The following SLC14A2 variants were observed in gnomAD, a reference collection of about 807,000 sequenced individuals.
SLC14A2 encodes the protein urea transporter 2.
Under a neutral mutation model 104.6 loss-of-function variants are expected in SLC14A2, and 91 were observed. That is an observed-to-expected ratio of 0.87 (90% CI 0.73 to 1.04). The LOEUF is 1.04. Among genes scored for constraint, SLC14A2 ranks in the 50% least tolerant of loss-of-function variants. SLC14A2 has a pLI of 0.00. For missense variants in SLC14A2, 1,189 were observed against 1,156.0 expected, an observed-to-expected ratio of 1.03 and a Z score of -0.41; for synonymous variants, 476 against 466.4, an observed-to-expected ratio of 1.02 and a Z score of -0.27.
chr18:45,341,078 T>A (rs1378138973), intron 1 of SLC14A2, among the ~76,000 whole-genome samples: 1 of 152,330 alleles, frequency 6.6e-6, no homozygotes, highest in East Asian at 1.9e-4. Flanking sequence ...AAGGCTTGAA[T>A]CATTTCTTTG....
At chr18:45,490,766 G>A (rs997269568) in intron 2 of SLC14A2, among the ~76,000 whole-genome samples, 1 of 152,086 alleles carries the variant, frequency 6.6e-6, no homozygotes, top group African/African-American at 2.4e-5. Flanking sequence ...GTCAGATGGG[G>A]ACAACAATAA....
chr18:45,481,487 C>T (rs955243679), intron 1 of SLC14A2, among the ~76,000 whole-genome samples: 4 of 152,172 alleles, frequency 2.6e-5, no homozygotes, highest in African/African-American at 4.8e-5. Flanking sequence ...TTAAACCAAC[C>T]GCAGAGTTCA....
chr18:45,464,378 ACT>A (rs1206567404), intron 1 of SLC14A2, among the ~76,000 whole-genome samples: 4 of 151,898 alleles, frequency 2.6e-5, no homozygotes, highest in Non-Finnish European at 5.9e-5. Flanking sequence ...CATAGCTGTG[ACT>A]CTGTTTACAG....
At chr18:45,430,580 T>G (rs1462542493) in intron 1 of SLC14A2, among the ~76,000 whole-genome samples, 2 of 151,874 alleles carry the variant, frequency 1.3e-5, no homozygotes, top group African/African-American at 4.8e-5. Context: ...TTATTTTATT[T>G]TATTTTATTT....
At chr18:45,299,970 T>G (rs1343015661) in intron 1 of SLC14A2, among the ~76,000 whole-genome samples, 2 of 152,226 alleles carry the variant, frequency 1.3e-5, no homozygotes, top group Non-Finnish European at 2.9e-5. Flanking sequence ...TTTTAGTTAT[T>G]TGGCTGGTAA....
intron 1 of SLC14A2, among the ~76,000 whole-genome samples, chr18:45,264,274 C>G (rs1246740778): frequency 6.6e-6 from 1 of 152,036 alleles, no homozygotes; most frequent in East Asian, 1.9e-4. Flanking sequence ...CATTTACCAA[C>G]AGTGAAAAGG....
chr18:45,481,759 C>T (rs1339817274), intron 1 of SLC14A2, among the ~76,000 whole-genome samples: 1 of 152,134 alleles, frequency 6.6e-6, no homozygotes, highest in African/African-American at 2.4e-5. Flanking sequence ...TTTCAAAGTT[C>T]GTGAAGACTA....
At chr18:45,376,852 C>T (rs16978355) in intron 1 of SLC14A2, among the ~76,000 whole-genome samples, 3,252 of 152,244 alleles carry the variant, frequency 0.021, 119 homozygotes, top group African/African-American at 0.073. Flanking sequence ...CGACAGAGAC[C>T]TTACTAGATT....
chr18:45,635,045 A>G (rs563353707), intron 5 of SLC14A2: 2 of 349,728 alleles, frequency 5.7e-6, no homozygotes, highest in East Asian at 1.5e-4. Context: ...GAAAAAAAAA[A>G]AGAAAATTGA....
At chr18:45,471,506 T>G (rs1170446768) in intron 1 of SLC14A2, among the ~76,000 whole-genome samples, 1 of 152,182 alleles carries the variant, frequency 6.6e-6, no homozygotes, top group Non-Finnish European at 1.5e-5. Flanking sequence ...CTATTCTATA[T>G]TTTTTAGTAT....
intron 1 of SLC14A2, among the ~76,000 whole-genome samples, chr18:45,331,581 C>G (rs2085290849): frequency 6.6e-6 from 1 of 151,814 alleles, no homozygotes; most frequent in Admixed American, 6.6e-5. Context: ...GTCCCAGCTA[C>G]TCGGGAGGCT....
chr18:45,669,156 G>T, intron 15 of SLC14A2, 150 bp from the exon 16 acceptor site: 2 of 610,790 alleles, frequency 3.3e-6, no homozygotes. Context: ...AGAGGCCCAG[G>T]GAAAGACCTG....
rs187498355 is a variant in SLC14A2, at chr18:45,400,903, C to T, written c.-124-82330C>T. Among the ~76,000 whole-genome samples the T allele has an allele frequency of 3.9e-4, 60 of 152,344 alleles. 1 individual carries two copies. The Middle Eastern group carries it at 0.01, about 26-fold the overall frequency. On this transcript the variant is annotated intron_variant, in intron 1 of 20. Coordinates refer to the SLC14A2 transcript ENST00000586448. ...TAGATTTGGCCAGAAGGAGCCCCTT[C>T]GAACTTCCTCCTGTGTCCTTTTCAT...
chr18:45,646,970 T>C (rs2045636656), intron 10 of SLC14A2: 1 of 152,218 alleles, frequency 6.6e-6, no homozygotes, highest in Non-Finnish European at 1.5e-5. Flanking sequence ...TATGCAATCA[T>C]TAAAGATGTG....
intron 2 of SLC14A2, among the ~76,000 whole-genome samples, chr18:45,484,681 G>A (rs866203402): frequency 1.2e-4 from 18 of 152,162 alleles, no homozygotes; most frequent in African/African-American, 4.3e-4. Context: ...CTGGAAGTCA[G>A]CAGAACTCAC....
At chr18:45,182,323 CA>C in the SLC14A2 span, among the ~76,000 whole-genome samples, 3 of 151,374 alleles carry the variant, frequency 2.0e-5, no homozygotes, top group African/African-American at 7.3e-5. Flanking sequence ...TAAAGTAACA[CA>C]ATACTGTATA....
At chr18:45,536,873 G>A (rs1052395469) in intron 2 of SLC14A2, among the ~76,000 whole-genome samples, 6 of 152,160 alleles carry the variant, frequency 3.9e-5, no homozygotes, top group Non-Finnish European at 7.4e-5. Flanking sequence ...GGTCTCAGCA[G>A]GGCCTGTCCT....
At chr18:45,211,711 A>G (rs1184837195), upstream of SLC14A2, among the ~76,000 whole-genome samples, 1 of 152,142 alleles carries the variant, frequency 6.6e-6, no homozygotes, top group South Asian at 2.1e-4. Flanking sequence ...TGTGCTAAAC[A>G]CTCAATGTAC....
chr18:45,298,605 A>T (rs888762723), intron 1 of SLC14A2, among the ~76,000 whole-genome samples: 1 of 152,234 alleles, frequency 6.6e-6, no homozygotes, highest in African/African-American at 2.4e-5. Context: ...CTGATCAAAG[A>T]CCATCTGTCT....
Sources: allele counts gnomAD v4.1 joint callset (sites outside exome capture counted in the v4.1 genomes callset), GRCh38; gene constraint gnomAD v4.1.1; transcripts MANE v1.5; gene names NCBI Gene and HGNC (gene_info 2026-07-23, HGNC 2026-07-21).